ARHGEF7: variants seen among roughly 807,000 people sequenced by gnomAD.
The protein encoded by ARHGEF7 is Rho guanine nucleotide exchange factor 7.
Under a neutral mutation model 109.8 loss-of-function variants are expected in ARHGEF7, and 33 were observed. That is an observed-to-expected ratio of 0.30 (90% CI 0.23 to 0.40). ARHGEF7 has a LOEUF of 0.40. ARHGEF7 is among the 10% of genes least tolerant of loss of function. The probability of loss-of-function intolerance (pLI) is 1.00; values close to 1 mark genes in which losing one functional copy is unlikely to be tolerated. For missense variants in ARHGEF7, 938 were observed against 1,098.5 expected, an observed-to-expected ratio of 0.85 and a Z score of 2.07; for synonymous variants, 458 against 424.6, an observed-to-expected ratio of 1.08 and a Z score of -0.97.
At chr13:111,227,598 A>G (rs2085382941) in intron 5 of ARHGEF7, among the ~76,000 whole-genome samples, 1 of 152,250 alleles carries the variant, frequency 6.6e-6, no homozygotes. Context: ...TATATGCAGT[A>G]GGAAACAAAT....
chr13:111,282,971 C>T, intron 15 of ARHGEF7, 168 bp from the exon 16 acceptor site: 5 of 984,220 alleles, frequency 5.1e-6, no homozygotes, highest in Non-Finnish European at 7.4e-6. Context: ...AGTGTTTGGC[C>T]CCAAAAACTG....
chr13:111,246,696 C>T (rs2088908957), intron 8 of ARHGEF7, among the ~76,000 whole-genome samples: 1 of 152,176 alleles, frequency 6.6e-6, no homozygotes, highest in Admixed American at 6.5e-5. Context: ...GCTTGGGAAT[C>T]ACTTTGATTT....
At chr13:111,294,483 T>G (rs1357001531) in intron 19 of ARHGEF7, 1 of 985,344 alleles carries the variant, frequency 1.0e-6, no homozygotes, top group Non-Finnish European at 1.2e-6. Flanking sequence ...TTTTGACGGT[T>G]TACCATCATT....
intron 6 of ARHGEF7, among the ~76,000 whole-genome samples, chr13:111,233,979 A>T (rs1295085255): frequency 6.6e-6 from 1 of 152,244 alleles, no homozygotes; most frequent in Non-Finnish European, 1.5e-5. Flanking sequence ...AATTTATTTT[A>T]AAGAATTTAT....
At chr13:111,251,854 T>C (rs1163811094) in intron 8 of ARHGEF7, among the ~76,000 whole-genome samples, 3 of 152,246 alleles carry the variant, frequency 2.0e-5, no homozygotes, top group African/African-American at 7.2e-5. Context: ...CACCTTCACA[T>C]ACACTCATGC....
intron 3 of ARHGEF7, among the ~76,000 whole-genome samples, chr13:111,207,747 C>T (rs760028429): frequency 2.2e-4 from 34 of 152,242 alleles, no homozygotes; most frequent in Middle Eastern, 3.4e-3. Context: ...AGGTTTGAGA[C>T]GGTAGGATTT....
intron 1 of ARHGEF7, chr13:111,153,578 G>A (rs935249940): frequency 9.3e-7 from 1 of 1,075,174 alleles, no homozygotes; most frequent in Non-Finnish European, 1.1e-6. Flanking sequence ...CTGCGTCCGC[G>A]GGGGCGAACA....
chr13:111,267,385 G>A (rs959090630), intron 8 of ARHGEF7, among the ~76,000 whole-genome samples, 163 bp from the exon 9 acceptor site: 1 of 151,992 alleles, frequency 6.6e-6, no homozygotes, highest in African/African-American at 2.4e-5. Context: ...CTCCTTGCTA[G>A]ACTCAAGGCA....
chr13:111,235,370 G>A (rs1595031370), intron 6 of ARHGEF7, among the ~76,000 whole-genome samples: 1 of 152,102 alleles, frequency 6.6e-6, no homozygotes, highest in East Asian at 1.9e-4. Context: ...AAGCATAGTC[G>A]ATACCTTTTT....
Position 111,243,894 on chromosome 13 carries a change from C to T in ARHGEF7, c.782C>T (p.Thr261Ile). The change falls in exon 7 of 22, where the codon ACA becomes ATA. Residue 261 changes from threonine (T) to isoleucine (I), a missense_variant. Thr to Ile is a moderately conservative substitution (Grantham distance 89, BLOSUM62 -1). Coordinates refer to ENST00000646102, the MANE Select transcript of ARHGEF7 (RefSeq NM_001354046.2). ...YNVVLQNILE[T>I]ENEYSKELQT... The stretch of plus-strand genomic sequence containing the variant: ...TAGGTGCTACAGAATATTTTAGAAA[C>T]AGAAAATGAATATTCTAAAGAACTT... The T allele has an allele frequency of 6.2e-7, 1 of 1,609,906 alleles. No individual in the cohort carries two copies.
At chr13:111,242,657 G>A (rs2087994370) in intron 6 of ARHGEF7, among the ~76,000 whole-genome samples, 1 of 152,210 alleles carries the variant, frequency 6.6e-6, no homozygotes, top group African/African-American at 2.4e-5. Context: ...CTTACGTCAG[G>A]TCCTTCAGGA....
intron 1 of ARHGEF7, among the ~76,000 whole-genome samples, chr13:111,139,867 G>A (rs1268148416): frequency 6.6e-6 from 1 of 152,222 alleles, no homozygotes; most frequent in Non-Finnish European, 1.5e-5. Context: ...CGCAGGCAGA[G>A]CCAGTGGCAA....
chr13:111,229,164 C>G (rs2085661034), intron 5 of ARHGEF7, among the ~76,000 whole-genome samples: 1 of 152,136 alleles, frequency 6.6e-6, no homozygotes, highest in African/African-American at 2.4e-5. Context: ...GCTGGCTGTG[C>G]TTCCTCAGCC....
chr13:111,134,466 C>T (rs1249631398), intron 1 of ARHGEF7, among the ~76,000 whole-genome samples: 1 of 152,174 alleles, frequency 6.6e-6, no homozygotes, highest in East Asian at 1.9e-4. Context: ...TGTTTCCTGA[C>T]TTTTTAATGA....
intron 2 of ARHGEF7, among the ~76,000 whole-genome samples, chr13:111,185,961 CGTGT>C (rs71127998): frequency 0.052 from 7,027 of 135,798 alleles, 244 homozygotes; most frequent in African/African-American, 0.096. Flanking sequence ...TTTGGGAGCT[CGTGT>C]GTGTGTGTGT....
chr13:111,210,386 G>A (rs970667618), intron 4 of ARHGEF7, among the ~76,000 whole-genome samples: 1 of 152,136 alleles, frequency 6.6e-6, no homozygotes, highest in Non-Finnish European at 1.5e-5. Flanking sequence ...AAGAAGAGAT[G>A]GTTAAAACTA....
chr13:111,119,525 G>A (rs539853041), intron 1 of ARHGEF7, among the ~76,000 whole-genome samples: 2 of 152,252 alleles, frequency 1.3e-5, no homozygotes, highest in African/African-American at 4.8e-5. Context: ...GTCAAGAGTC[G>A]TAATGTCAGA....
At chr13:111,236,121 GTTA>G (rs1479446198) in intron 6 of ARHGEF7, among the ~76,000 whole-genome samples, 2 of 152,202 alleles carry the variant, frequency 1.3e-5, no homozygotes, top group African/African-American at 4.8e-5. Flanking sequence ...ATTTATGTCT[GTTA>G]TTATGAACCA....
At chr13:111,217,917 C>T (rs141281183) in intron 5 of ARHGEF7, 37 bp downstream of exon 5, 17 of 1,564,970 alleles carry the variant, frequency 1.1e-5, no homozygotes, top group Admixed American at 7.2e-5. Context: ...TGGCTTTTTG[C>T]GATGAGCAGA....
Sources: allele counts gnomAD v4.1 joint callset (sites outside exome capture counted in the v4.1 genomes callset), GRCh38; gene constraint gnomAD v4.1.1; transcripts MANE v1.5; gene names NCBI Gene and HGNC (gene_info 2026-07-23, HGNC 2026-07-21).